XPR1: variants seen among roughly 807,000 people sequenced by gnomAD.
XPR1 encodes solute carrier family 53 member 1.
Under a neutral mutation model 87.5 loss-of-function variants are expected in XPR1, and 28 were observed. The observed-to-expected ratio is 0.32, with a 90% CI of 0.24 to 0.44. The LOEUF is 0.44. XPR1 is among the 20% of genes least tolerant of loss of function. The pLI is 1.00. For synonymous variants in XPR1, 300 were observed against 306.1 expected (o/e 0.98, Z 0.21); for missense variants, 559 against 862.3 (o/e 0.65, Z 4.41).
At chr1:180,761,975 C>G (rs953818659) in intron 2 of XPR1, among the ~76,000 whole-genome samples, 1 of 152,086 alleles carries the variant, frequency 6.6e-6, no homozygotes, top group East Asian at 1.9e-4. Context: ...TTTGTAGGGA[C>G]ATGGATGAAA....
intron 2 of XPR1, among the ~76,000 whole-genome samples, chr1:180,779,714 G>T (rs1000941542): frequency 6.7e-6 from 1 of 148,520 alleles, no homozygotes; most frequent in Admixed American, 6.6e-5. Flanking sequence ...GAGGGGGAGA[G>T]GGAGAGGGAG....
intron 2 of XPR1, among the ~76,000 whole-genome samples, chr1:180,721,112 T>C (rs997103884): frequency 5.3e-5 from 8 of 151,796 alleles, no homozygotes; most frequent in African/African-American, 1.9e-4. Flanking sequence ...TTCCAGCCAC[T>C]TGGGAGGCTG....
In XPR1 at chr1:180,803,271, A is replaced by G. The variant is rs558111243; in HGVS notation, c.224-117A>G. 4.0e-5 allele frequency: 37 copies of G among 921,298 alleles called. 1 individual carries two copies. The highest frequency in any genetic ancestry group is 3.4e-4 in the Middle Eastern group (1 of 2,940). 57.1% of individuals were successfully genotyped at this position (921,298 alleles called of 1,614,324 possible). On this transcript the variant is annotated intron_variant, in intron 3 of 14. Coordinates refer to ENST00000367590, the MANE Select transcript of XPR1 (RefSeq NM_004736.4). ...TTTCCTATAGAGTTCTAAATATTACATGTAACGGTTTTCTTCTAGAAATTC... is the reference window on the plus strand; with the variant it reads ...TTTCCTATAGAGTTCTAAATATTACGTGTAACGGTTTTCTTCTAGAAATTC...
intron 1 of XPR1, among the ~76,000 whole-genome samples, chr1:180,654,211 G>T (rs111308401): frequency 6.6e-6 from 1 of 151,778 alleles, no homozygotes. Flanking sequence ...CTCAGCTCTC[G>T]TGTGGTCAGC....
chr1:180,838,190 A>G (rs1486459180), intron 11 of XPR1, among the ~76,000 whole-genome samples: 1 of 152,200 alleles, frequency 6.6e-6, no homozygotes, highest in African/African-American at 2.4e-5. Context: ...CAAGTAAGCT[A>G]GAGAAAATAA....
Position 180,886,375 on chromosome 1 carries a change from C to G in XPR1, c.*2309C>G, listed in dbSNP as rs1437758979. ...AGACATTTGAATTATTAACTTTATT[C>G]TTTATTAGTGAATCTCTATGATGGC... On this transcript the variant is annotated 3_prime_UTR_variant, in exon 15 of 15. Transcript: ENST00000367590. 6.6e-6 allele frequency: 1 copy of G among 152,138 alleles called. No individual in the cohort carries two copies. Among genetic ancestry groups the G allele is most frequent in the East Asian group, 1.9e-4 (1 of 5,202 alleles). 9.4% of individuals were successfully genotyped at this position (152,138 alleles called of 1,614,324 possible). A position where few individuals can be genotyped will look rare whatever the true frequency, so the allele number is the denominator to read the frequency against.
intron 2 of XPR1, among the ~76,000 whole-genome samples, chr1:180,687,839 A>G (rs1656838522): frequency 6.6e-6 from 1 of 151,658 alleles, no homozygotes; most frequent in Non-Finnish European, 1.5e-5. Flanking sequence ...ATCAATATAT[A>G]TGTAAATATA....
At chr1:180,793,208 G>A (rs964356438) in intron 3 of XPR1, among the ~76,000 whole-genome samples, 9 of 152,070 alleles carry the variant, frequency 5.9e-5, no homozygotes, top group African/African-American at 2.2e-4. Flanking sequence ...ATGCAAGACC[G>A]ATTAGATAAT....
At chr1:180,656,620 T>TA (rs1234470145) in intron 1 of XPR1, among the ~76,000 whole-genome samples, 5 of 83,822 alleles carry the variant, frequency 6.0e-5, no homozygotes, top group South Asian at 3.2e-4. Flanking sequence ...TATAATATAT[T>TA]TTATATATGT....
At chr1:180,657,954 T>C (rs780749583) in intron 1 of XPR1, among the ~76,000 whole-genome samples, 2 of 152,176 alleles carry the variant, frequency 1.3e-5, no homozygotes, top group South Asian at 4.1e-4. Flanking sequence ...ATGTGTGTCC[T>C]CTTTAGTTTC....
chr1:180,778,959 C>T (rs1648835745), intron 2 of XPR1, among the ~76,000 whole-genome samples: 1 of 152,174 alleles, frequency 6.6e-6, no homozygotes, highest in African/African-American at 2.4e-5. Flanking sequence ...CGTGAAAGGG[C>T]CTTTACCTGC....
At chr1:180,812,175 A>T (rs1210246151) in intron 7 of XPR1, among the ~76,000 whole-genome samples, 1 of 152,096 alleles carries the variant, frequency 6.6e-6, no homozygotes, top group Non-Finnish European at 1.5e-5. Context: ...TTTCCTGTTA[A>T]ATTTTACTGG....
At chr1:180,827,884 T>TTC (rs1347426098) in intron 9 of XPR1, among the ~76,000 whole-genome samples, 3 of 150,972 alleles carry the variant, frequency 2.0e-5, no homozygotes, top group Admixed American at 2.0e-4. Context: ...TCTTTAATTT[T>TTC]TTTTTTTTTT....
At chr1:180,697,000 T>C (rs1002936049) in intron 2 of XPR1, among the ~76,000 whole-genome samples, 4 of 152,166 alleles carry the variant, frequency 2.6e-5, no homozygotes, top group African/African-American at 7.2e-5. Context: ...CCTTGTAGAA[T>C]GAGTTAGGAA....
intron 2 of XPR1, among the ~76,000 whole-genome samples, chr1:180,730,595 T>A (rs1658521107): frequency 6.6e-6 from 1 of 152,220 alleles, no homozygotes; most frequent in Non-Finnish European, 1.5e-5. Context: ...CCAGGCTCTA[T>A]CACAGCTACT....
At chr1:180,807,763 G>A (rs1650053849) in intron 6 of XPR1, among the ~76,000 whole-genome samples, 1 of 152,170 alleles carries the variant, frequency 6.6e-6, no homozygotes, top group African/African-American at 2.4e-5. Flanking sequence ...CCAGAAATTT[G>A]GGAGGCTGAG....
intron 7 of XPR1, among the ~76,000 whole-genome samples, chr1:180,819,158 C>T (rs1558023732): frequency 1.3e-5 from 2 of 151,672 alleles, no homozygotes; most frequent in Admixed American, 6.6e-5. Context: ...CTCACTATAT[C>T]GCCTAGGCTG....
At chr1:180,876,446 G>T (rs1652666520) in intron 13 of XPR1, among the ~76,000 whole-genome samples, 1 of 152,120 alleles carries the variant, frequency 6.6e-6, no homozygotes, top group Non-Finnish European at 1.5e-5. Context: ...GACCAGCCTG[G>T]CCAACATGGT....
At chr1:180,732,789 G>A (rs1197435102) in intron 2 of XPR1, among the ~76,000 whole-genome samples, 1 of 152,204 alleles carries the variant, frequency 6.6e-6, no homozygotes, top group African/African-American at 2.4e-5. Context: ...CTTGTCGCAA[G>A]GACAGAGGTC....
Sources: allele counts gnomAD v4.1 joint callset (sites outside exome capture counted in the v4.1 genomes callset), GRCh38; gene constraint gnomAD v4.1.1; transcripts MANE v1.5; gene names NCBI Gene and HGNC (gene_info 2026-07-23, HGNC 2026-07-21).